The following HMCES variants were observed in gnomAD, a reference collection of about 807,000 sequenced individuals.
The protein encoded by HMCES is 5-hydroxymethylcytosine binding, ES cell specific.
In HMCES, 27 loss-of-function variants were observed where a neutral mutation model predicts 35.1. That is an observed-to-expected ratio of 0.77 (90% CI 0.57 to 1.06). The LOEUF (loss-of-function observed/expected upper bound fraction) is 1.06, where lower values mean the gene tolerates loss of function less well. Ranked by LOEUF, HMCES falls within the 50% of genes least tolerant of loss-of-function variation. The probability of loss-of-function intolerance (pLI) is 0.00; values close to 1 mark genes in which losing one functional copy is unlikely to be tolerated. For missense variants in HMCES, 391 were observed against 430.4 expected, an observed-to-expected ratio of 0.91 and a Z score of 0.81; for synonymous variants, 130 against 154.7, an observed-to-expected ratio of 0.84 and a Z score of 1.18.
intron 5 of HMCES, among the ~76,000 whole-genome samples, chr3:129,300,166 T>TTATATATATATATATATA (rs35145445): frequency 1.6e-4 from 22 of 141,218 alleles, no homozygotes; most frequent in African/African-American, 5.3e-4. Context: ...ATGTGCATCT[T>TTATATATATATATATATA]TATATATATA....
At chr3:129,287,373 G>A (rs1003620098) in intron 2 of HMCES, among the ~76,000 whole-genome samples, 2 of 151,748 alleles carry the variant, frequency 1.3e-5, no homozygotes, top group African/African-American at 4.8e-5. Context: ...ACAGGTGCAT[G>A]CCACCACACC....
intron 4 of HMCES, among the ~76,000 whole-genome samples, chr3:129,291,267 T>C (rs2071012234): frequency 6.6e-6 from 1 of 152,244 alleles, no homozygotes; most frequent in African/African-American, 2.4e-5. Flanking sequence ...ATTCACCTTT[T>C]TAAAATGTGC....
rs2071160419 is a variant in HMCES, at chr3:129,301,066, C to T, written c.636-884C>T. ...AATTAGCCGGGCATGGTGGTGGGTGCCTGTAGTCCCAGCTACTCAGGAGGC... is the reference window on the plus strand; with the variant it reads ...AATTAGCCGGGCATGGTGGTGGGTGTCTGTAGTCCCAGCTACTCAGGAGGC... On this transcript the variant is annotated intron_variant, in intron 5 of 6. Transcript: ENST00000383463. Among the ~76,000 whole-genome samples, 3 of 149,224 alleles carry T rather than the reference C, an allele frequency of 2.0e-5. No individual in the cohort carries two copies. The South Asian group carries it at 6.4e-4, about 32-fold the overall frequency.
intron 4 of HMCES, among the ~76,000 whole-genome samples, chr3:129,293,617 A>G (rs2071051930): frequency 8.4e-6 from 1 of 119,704 alleles, no homozygotes; most frequent in Non-Finnish European, 1.6e-5. Context: ...GTTGCCCAGG[A>G]TGGAGTGCAA....
intron 6 of HMCES, among the ~76,000 whole-genome samples, chr3:129,303,102 C>T (rs1309952267): frequency 1.3e-5 from 2 of 152,120 alleles, no homozygotes; most frequent in Non-Finnish European, 2.9e-5. Flanking sequence ...TTCTTAGAAT[C>T]AGCAAGGATC....
chr3:129,289,520 A>G (rs1940739152), intron 3 of HMCES, among the ~76,000 whole-genome samples: 1 of 152,152 alleles, frequency 6.6e-6, no homozygotes, highest in Non-Finnish European at 1.5e-5. Context: ...CTTATGCTGT[A>G]TTCTTTTATT....
intron 5 of HMCES, among the ~76,000 whole-genome samples, chr3:129,301,419 A>C (rs185603797): frequency 7.4e-6 from 1 of 135,942 alleles, no homozygotes; most frequent in East Asian, 2.0e-4. Flanking sequence ...GTACCACCCA[A>C]AAAGTGTGTG....
At position 129,279,929 on chromosome 3, in the gene HMCES, C is replaced by T. The variant is rs1221550939; in HGVS notation, c.183+14C>T. 3 of 1,572,592 alleles carry T rather than the reference C, an allele frequency of 1.9e-6. No homozygotes were observed. The highest frequency in any genetic ancestry group is 2.6e-6 in the Non-Finnish European group (3 of 1,160,222). On this transcript the variant is annotated intron_variant, in intron 2 of 6. Transcript: ENST00000383463. The surrounding 1 kb of genome is among the most constrained non-coding windows in gnomAD (Gnocchi z 4.2). ...CACTTTGAGAAGGTAACCAGCATTGCACTATGCTAGCCCCTCGCCCAGCCT... is the reference window on the plus strand; with the variant it reads ...CACTTTGAGAAGGTAACCAGCATTGTACTATGCTAGCCCCTCGCCCAGCCT...
In HMCES at chr3:129,279,605, G is replaced by A; in HGVS notation, c.-23-105G>A. ...GGGAAGACTTTAGACGGTGGTCACG[G>A]AGGGGCACGGCCCTGTGGGAACGGA... On this transcript the variant is annotated intron_variant, in intron 1 of 6. Coordinates refer to ENST00000383463, the MANE Select transcript of HMCES (RefSeq NM_020187.3). The surrounding 1 kb of genome is among the most constrained non-coding windows in gnomAD (Gnocchi z 4.2). The A allele has an allele frequency of 8.8e-7, 1 of 1,137,812 alleles. No homozygotes were observed. Among genetic ancestry groups the A allele is most frequent in the Non-Finnish European group, 1.2e-6 (1 of 800,330 alleles). 70.5% of individuals were successfully genotyped at this position (1,137,812 alleles called of 1,614,324 possible).
chr3:129,284,867 G>A (rs1263732219), intron 2 of HMCES, among the ~76,000 whole-genome samples: 9 of 152,312 alleles, frequency 5.9e-5, no homozygotes, highest in South Asian at 2.1e-4. Context: ...AGCTGAGATC[G>A]TGCCACTGCA....
chr3:129,296,940 G>A (rs59683757), intron 4 of HMCES, among the ~76,000 whole-genome samples: 16,266 of 152,000 alleles, frequency 0.11, 2,458 homozygotes, highest in African/African-American at 0.34. Context: ...GGGTTTCACC[G>A]TGTTAGCCAG....
intron 2 of HMCES, among the ~76,000 whole-genome samples, chr3:129,280,203 G>GCAGCT (rs1389830713): frequency 6.6e-6 from 1 of 152,134 alleles, no homozygotes; most frequent in African/African-American, 2.4e-5. Context: ...TTTTAAAATA[G>GCAGCT]CAGCTTTCAC....
chr3:129,293,982 T>C (rs904227631), intron 4 of HMCES, among the ~76,000 whole-genome samples: 1 of 152,194 alleles, frequency 6.6e-6, no homozygotes, highest in East Asian at 1.9e-4. Flanking sequence ...ATTGATGTGA[T>C]TGGGTTAAAA....
At position 129,279,664 on chromosome 3, in the gene HMCES, A is replaced by C; in HGVS notation, c.-23-46A>C. On this transcript the variant is annotated intron_variant, in intron 1 of 6. Coordinates refer to ENST00000383463, the MANE Select transcript of HMCES (RefSeq NM_020187.3). The surrounding 1 kb of genome is among the most constrained non-coding windows in gnomAD (Gnocchi z 4.2). ...GCGGGGACTCAAGGAATAAGACCTA[A>C]TATTTGAGATACGTAAGCCTTTTCC... 1 of 1,563,968 alleles carries C rather than the reference A, an allele frequency of 6.4e-7. No homozygotes were observed. The highest frequency in any genetic ancestry group is 8.7e-7 in the Non-Finnish European group (1 of 1,146,402).
chr3:129,292,963 G>C (rs954366716), intron 4 of HMCES, among the ~76,000 whole-genome samples: 1 of 152,176 alleles, frequency 6.6e-6, no homozygotes, highest in African/African-American at 2.4e-5. Context: ...GGTATGTGCA[G>C]TTATCTCTTC....
intron 5 of HMCES, 125 bp from the exon 6 acceptor site, chr3:129,301,825 G>A: frequency 1.3e-6 from 1 of 750,070 alleles, no homozygotes; most frequent in South Asian, 1.7e-5. Flanking sequence ...ATCAGCATGT[G>A]AGGCGCAGAG....
chr3:129,284,471 T>G (rs1241510797), intron 2 of HMCES, among the ~76,000 whole-genome samples: 1 of 152,230 alleles, frequency 6.6e-6, no homozygotes, highest in Non-Finnish European at 1.5e-5. Flanking sequence ...TATTGATCAG[T>G]TGATGAAAGT....
intron 4 of HMCES, among the ~76,000 whole-genome samples, chr3:129,297,181 G>A (rs2071103745): frequency 6.6e-6 from 1 of 152,008 alleles, no homozygotes; most frequent in Non-Finnish European, 1.5e-5. Context: ...CCTTAGACAT[G>A]GTCTTTCTTG....
rs963798831 is a variant in HMCES, at chr3:129,302,064, T to C, written c.750T>C (p.His250=). The stretch of plus-strand genomic sequence containing the variant: ...ACCCAACAGAGAACATCACCTTCCA[T>C]GCAGTCTCTTCTGTGGTGAACAACT... ...LIHPTENITF[H]AVSSVVNNSR... The change falls in exon 6 of 7, where the codon CAT becomes CAC. Residue 250 remains histidine, a synonymous_variant. Coordinates refer to ENST00000383463, the MANE Select transcript of HMCES (RefSeq NM_020187.3). 5 of 1,614,110 alleles carry C rather than the reference T, an allele frequency of 3.1e-6. No homozygotes were observed. The African/African-American group carries it at 5.3e-5, about 17-fold the overall frequency.
Sources: gnomAD v4.1 joint callset for allele counts (sites outside exome capture counted in the v4.1 genomes callset) on GRCh38, gnomAD v4.1.1 for gene constraint, Gnocchi (gnomAD v3.1) non-coding constraint, MANE v1.5 for transcripts, NCBI Gene and HGNC (gene_info 2026-07-23, HGNC 2026-07-21) for gene names.